The following SLC9B1 variants were observed in gnomAD, a reference collection of about 807,000 sequenced individuals.
SLC9B1 encodes the protein sodium/hydrogen exchanger 9B1.
SLC9B1 carries 32 observed loss-of-function variants against 51.7 expected under a neutral mutation model. The observed-to-expected ratio is 0.62, with a 90% CI of 0.47 to 0.83. SLC9B1 has a LOEUF of 0.83. Ranked by LOEUF, SLC9B1 falls within the 40% of genes least tolerant of loss-of-function variation. The probability of loss-of-function intolerance (pLI) is 0.00; values close to 1 mark genes in which losing one functional copy is unlikely to be tolerated. For synonymous variants in SLC9B1, 145 were observed against 212.7 expected (o/e 0.68, Z 2.77); for missense variants, 406 against 613.2 (o/e 0.66, Z 3.57).
intron 6 of SLC9B1, among the ~76,000 whole-genome samples, chr4:102,932,952 A>T (rs1410376237): frequency 6.6e-6 from 1 of 152,192 alleles, no homozygotes; most frequent in Non-Finnish European, 1.5e-5. Flanking sequence ...TACAAAGGCA[A>T]ATGAGAACAT....
chr4:102,904,707 C>G (rs1400516242), intron 11 of SLC9B1, among the ~76,000 whole-genome samples: 1 of 151,696 alleles, frequency 6.6e-6, no homozygotes, highest in Admixed American at 6.6e-5. Flanking sequence ...AAAGACCAGG[C>G]GCAGTGGCTC....
chr4:102,999,016 C>T (rs1249713591), intron 1 of SLC9B1, among the ~76,000 whole-genome samples: 1 of 152,116 alleles, frequency 6.6e-6, no homozygotes, highest in Admixed American at 6.6e-5. Context: ...CACGTCCACA[C>T]CCAGCAATTT....
chr4:102,981,730 A>G (rs1739374699), intron 3 of SLC9B1, among the ~76,000 whole-genome samples: 1 of 151,862 alleles, frequency 6.6e-6, no homozygotes, highest in Non-Finnish European at 1.5e-5. Flanking sequence ...GAAGTTTTAG[A>G]GTTCTTTTTA....
intron 7 of SLC9B1, among the ~76,000 whole-genome samples, chr4:102,923,487 C>T (rs1578349941): frequency 6.6e-6 from 1 of 152,164 alleles, no homozygotes; most frequent in East Asian, 1.9e-4. Context: ...GAAGCATTCC[C>T]TTTGAAAACT....
At chr4:102,970,050 T>C (rs1373845043) in intron 3 of SLC9B1, among the ~76,000 whole-genome samples, 1 of 152,092 alleles carries the variant, frequency 6.6e-6, no homozygotes, top group African/African-American at 2.4e-5. Flanking sequence ...TGGAACCAAG[T>C]TGGAAAACAC....
intron 3 of SLC9B1, chr4:102,963,024 T>C (rs1453508486): frequency 2.2e-6 from 1 of 455,570 alleles, no homozygotes. Context: ...GTCCACTGTA[T>C]AAGAATGTTG....
chr4:102,992,084 T>C (rs1449266134), intron 1 of SLC9B1, among the ~76,000 whole-genome samples: 1 of 152,136 alleles, frequency 6.6e-6, no homozygotes, highest in Non-Finnish European at 1.5e-5. Flanking sequence ...TGCTCTTACA[T>C]AAAACACTCC....
intron 6 of SLC9B1, among the ~76,000 whole-genome samples, chr4:102,943,693 T>C (rs1737130903): frequency 6.6e-6 from 1 of 152,112 alleles, no homozygotes. Context: ...AGTTATGCTA[T>C]GAGGATGCAA....
At chr4:102,890,068 A>G (rs1734160958) in intron 11 of SLC9B1, 1 of 152,224 alleles carries the variant, frequency 6.6e-6, no homozygotes, top group South Asian at 2.1e-4. Context: ...TCACTATTAC[A>G]TAAACATCAG....
chr4:102,945,927 G>A (rs1737243291), intron 5 of SLC9B1, among the ~76,000 whole-genome samples: 1 of 151,986 alleles, frequency 6.6e-6, no homozygotes, highest in African/African-American at 2.4e-5. Flanking sequence ...ATGATCCCTA[G>A]AATGTAATAT....
intron 7 of SLC9B1, among the ~76,000 whole-genome samples, chr4:102,920,485 A>T (rs894015261): frequency 8.5e-5 from 13 of 152,236 alleles, no homozygotes; most frequent in African/African-American, 2.7e-4. Flanking sequence ...AATTCTAAAA[A>T]TCAGAGCACC....
chr4:102,981,997 T>G (rs887036839), intron 3 of SLC9B1, among the ~76,000 whole-genome samples: 2 of 152,160 alleles, frequency 1.3e-5, no homozygotes, highest in Admixed American at 6.6e-5. Flanking sequence ...ATCTAGATTT[T>G]CTATGTTACC....
At chr4:102,933,291 G>T (rs973065503) in intron 6 of SLC9B1, among the ~76,000 whole-genome samples, 1 of 152,168 alleles carries the variant, frequency 6.6e-6, no homozygotes, top group Non-Finnish European at 1.5e-5. Context: ...ACTGACTGAT[G>T]TGAGTGTCTA....
intron 7 of SLC9B1, among the ~76,000 whole-genome samples, chr4:102,931,690 G>A (rs1736465482): frequency 1.3e-5 from 2 of 152,114 alleles, no homozygotes; most frequent in Admixed American, 1.3e-4. Flanking sequence ...CTACCATTAA[G>A]GCATATGGCT....
At chr4:102,924,006 C>T (rs1736023691) in intron 7 of SLC9B1, among the ~76,000 whole-genome samples, 1 of 152,046 alleles carries the variant, frequency 6.6e-6, no homozygotes, top group Admixed American at 6.6e-5. Context: ...GATTCAATGC[C>T]ATCCCCATCA....
chr4:102,918,870 G>A (rs905388294), intron 7 of SLC9B1, among the ~76,000 whole-genome samples: 5 of 152,164 alleles, frequency 3.3e-5, no homozygotes, highest in African/African-American at 1.2e-4. Flanking sequence ...GACTAAGATA[G>A]ACTTGAACAG....
chr4:102,961,287 TA>T (rs1237093146), intron 3 of SLC9B1, among the ~76,000 whole-genome samples: 1 of 152,252 alleles, frequency 6.6e-6, no homozygotes, highest in Non-Finnish European at 1.5e-5. Flanking sequence ...AATAGAAGAC[TA>T]AAAAAAGGTA....
At chr4:102,919,773 G>A (rs569328519) in intron 7 of SLC9B1, among the ~76,000 whole-genome samples, 16 of 152,328 alleles carry the variant, frequency 1.1e-4, no homozygotes, top group Admixed American at 2.0e-4. Context: ...CTGGCTCAGC[G>A]GGTCCCACAC....
At chr4:103,012,809 T>C (rs945553896) in intron 1 of SLC9B1, among the ~76,000 whole-genome samples, 2 of 152,188 alleles carry the variant, frequency 1.3e-5, no homozygotes, top group African/African-American at 2.4e-5. Context: ...CTGAAGGGAA[T>C]GAACATTGTG....
Sources: allele counts gnomAD v4.1 joint callset (sites outside exome capture counted in the v4.1 genomes callset), GRCh38; gene constraint gnomAD v4.1.1; transcripts MANE v1.5; gene names NCBI Gene and HGNC (gene_info 2026-07-23, HGNC 2026-07-21).